Variants in C4orf50 observed in about 807,000 individuals in gnomAD.
The protein encoded by C4orf50 is chromosome 4 open reading frame 50, also known as uncharacterized protein C4orf50.
A neutral mutation model predicts 77.2 loss-of-function variants in C4orf50; 80 were observed. The ratio of observed to expected loss-of-function variants is 1.04; its 90% CI spans 0.87 to 1.25. The LOEUF is 1.25. Among genes scored for constraint, C4orf50 ranks in the 50% most tolerant of loss-of-function variants. C4orf50 has a pLI of 0.00. For synonymous variants in C4orf50, 532 were observed against 465.3 expected (o/e 1.14, Z -1.84); for missense variants, 1,257 against 1,152.9 (o/e 1.09, Z -1.31).
intron 29 of C4orf50, among the ~76,000 whole-genome samples, chr4:5,977,357 C>T (rs1490504357): frequency 2.0e-5 from 3 of 152,182 alleles, no homozygotes; most frequent in East Asian, 3.8e-4. Context: ...CCAAACTCTT[C>T]GGACCAACAT....
At chr4:5,991,513 T>A (rs1225393612) in intron 27 of C4orf50, among the ~76,000 whole-genome samples, 1 of 152,234 alleles carries the variant, frequency 6.6e-6, no homozygotes, top group Non-Finnish European at 1.5e-5. Context: ...TATTTTTATC[T>A]TCACTTATGT....
intron 28 of C4orf50, 33 bp downstream of exon 6, chr4:5,988,314 T>A: frequency 6.2e-7 from 1 of 1,601,610 alleles, no homozygotes; most frequent in South Asian, 1.1e-5. Context: ...GAGTCATGCG[T>A]GATGAGTAAG....
intron 7 of C4orf50, chr4:5,898,925 T>G (rs750216731): frequency 6.6e-6 from 1 of 152,196 alleles, no homozygotes; most frequent in Non-Finnish European, 1.5e-5. Context: ...ACATTTACAC[T>G]AAAAATGCAG....
intron 7 of C4orf50, among the ~76,000 whole-genome samples, chr4:5,925,811 C>T (rs558653415): frequency 3.9e-5 from 6 of 152,316 alleles, no homozygotes; most frequent in Non-Finnish European, 8.8e-5. Context: ...TGGGACCCAC[C>T]CTTGGCAGCG....
chr4:5,953,180 GC>G (rs1309984031), downstream of C4orf50, among the ~76,000 whole-genome samples: 1 of 152,122 alleles, frequency 6.6e-6, no homozygotes, highest in Non-Finnish European at 1.5e-5. Context: ...CATGGAGCGG[GC>G]CTGAATCCCA....
chr4:5,959,577 G>A (rs749562220), exon 34 of C4orf50: 41 of 1,613,984 alleles, frequency 2.5e-5, no homozygotes, highest in African/African-American at 2.4e-4. Flanking sequence ...CACAGTGACC[G>A]CTGCCAGGCA....
At chr4:5,945,328 G>A (rs1231717939) in intron 7 of C4orf50, among the ~76,000 whole-genome samples, 4 of 152,232 alleles carry the variant, frequency 2.6e-5, no homozygotes, top group Non-Finnish European at 2.9e-5. Flanking sequence ...ATTCCCGGGG[G>A]ACCCCACAGC....
intron 25 of C4orf50, among the ~76,000 whole-genome samples, chr4:6,004,392 G>GAT (rs1722132776): frequency 1.8e-5 from 2 of 109,050 alleles, no homozygotes; most frequent in Non-Finnish European, 3.9e-5. Flanking sequence ...TGGTGATGGT[G>GAT]GTGATGGTGA....
At chr4:5,898,206 C>T (rs1220170405) in intron 7 of C4orf50, 1 of 152,238 alleles carries the variant, frequency 6.6e-6, no homozygotes, top group Non-Finnish European at 1.5e-5. Context: ...CCTCGCTTAT[C>T]ACTCTGCCAA....
chr4:5,926,858 G>C (rs979965753), intron 7 of C4orf50, among the ~76,000 whole-genome samples: 2 of 152,112 alleles, frequency 1.3e-5, no homozygotes, highest in East Asian at 3.9e-4. Context: ...GTGGCTCTGC[G>C]GCTCATCCAT....
intron 30 of C4orf50, among the ~76,000 whole-genome samples, chr4:5,974,315 A>G (rs1720123228): frequency 6.6e-6 from 1 of 152,202 alleles, no homozygotes; most frequent in Non-Finnish European, 1.5e-5. Context: ...AATGCTCCAC[A>G]GCAAATGATG....
rs1722314459 is a variant in C4orf50, at chr4:6,007,991, C to T, written c.963+5G>A. 2.5e-6 allele frequency: 1 copy of T among 399,174 alleles called. No individual in the cohort carries two copies. Among genetic ancestry groups the T allele is most frequent in the Non-Finnish European group, 4.4e-6 (1 of 226,144 alleles). 24.7% of individuals were successfully genotyped at this position (399,174 alleles called of 1,614,324 possible). On this transcript the variant is annotated splice_donor_5th_base_variant and intron_variant, in intron 25 of 33. Coordinates refer to ENST00000531445, the Ensembl canonical transcript of C4orf50. This position sits in a 1 kb window ranked among gnomAD's most constrained non-coding sequence, Gnocchi z 4.1. ...TCATTCCTACCCTGAGTTCCCGCCA[C>T]TTACCAGGCTGCAGTGACCAATAGG...
At chr4:5,972,666 C>T (rs1719994770) in intron 31 of C4orf50, among the ~76,000 whole-genome samples, 1 of 152,246 alleles carries the variant, frequency 6.6e-6, no homozygotes, top group South Asian at 2.1e-4. Flanking sequence ...GAGAGAGACT[C>T]AGACCTGGTG....
At chr4:5,981,466 A>G (rs960600714) in intron 28 of C4orf50, among the ~76,000 whole-genome samples, 2 of 144,232 alleles carry the variant, frequency 1.4e-5, no homozygotes, top group Non-Finnish European at 3.0e-5. Flanking sequence ...GTGCAATGGC[A>G]TGACCTCGGC....
chr4:6,015,915 C>G lies in C4orf50; in HGVS notation c.287+2230G>C, dbSNP rs983857048. Among the ~76,000 whole-genome samples the G allele has an allele frequency of 6.6e-6, 1 of 152,168 alleles. No individual in the cohort carries two copies. Among genetic ancestry groups the G allele is most frequent in the South Asian group, 2.1e-4 (1 of 4,828 alleles). ...TAGAGACCAGCCGGCGAATCTGGGT[C>G]CATATCCCCATGTCACCATCCTTGA... On this transcript the variant is annotated intron_variant, in intron 23 of 33. Transcript: ENST00000531445. The surrounding 1 kb of genome is among the most constrained non-coding windows in gnomAD (Gnocchi z 4.4).
rs1170304519 is a variant in C4orf50, at chr4:6,017,468, G to C, written c.287+677C>G. Among the ~76,000 whole-genome samples the C allele has an allele frequency of 6.6e-6, 1 of 152,210 alleles. No homozygotes were observed. The highest frequency in any genetic ancestry group is 1.5e-5 in the Non-Finnish European group (1 of 68,034). ...GACTCTTGACTAACCCTGAGTCCAC[G>C]AATGCCTCCAAGATGTGGAGTTGAT... On this transcript the variant is annotated intron_variant, in intron 23 of 33. Transcript: ENST00000531445. The surrounding 1 kb of genome is among the most constrained non-coding windows in gnomAD (Gnocchi z 4.7).
At chr4:5,897,971 T>G (rs1248121215) in exon 8 of C4orf50, 1 of 152,258 alleles carries the variant, frequency 6.6e-6, no homozygotes. Context: ...GGACTTGGCC[T>G]GCCAACATTC....
intron 23 of C4orf50, among the ~76,000 whole-genome samples, chr4:6,012,787 G>A (rs777841872): frequency 6.6e-6 from 1 of 152,180 alleles, no homozygotes; most frequent in Non-Finnish European, 1.5e-5. Context: ...CCAGACCCAC[G>A]GGGAGAGGAG....
At position 5,967,470 on chromosome 4, in the gene C4orf50, A is replaced by G; in HGVS notation, c.4105-8T>C. 2 of 1,613,628 alleles carry G rather than the reference A, an allele frequency of 1.2e-6. No homozygotes were observed. Among genetic ancestry groups the G allele is most frequent in the Non-Finnish European group, 1.7e-6 (2 of 1,179,568 alleles). ...GTCCAGGTGGTGGCTTGTCTGCAAGAAAAGACATCTTGGCGGTTATTCTGC... is the reference window on the plus strand; with the variant it reads ...GTCCAGGTGGTGGCTTGTCTGCAAGGAAAGACATCTTGGCGGTTATTCTGC... On this transcript the variant is annotated splice_polypyrimidine_tract_variant and splice_region_variant and intron_variant, in intron 31 of 33. Coordinates refer to ENST00000531445, the Ensembl canonical transcript of C4orf50.
Sources: gnomAD v4.1 joint callset for allele counts (sites outside exome capture counted in the v4.1 genomes callset) on GRCh38, gnomAD v4.1.1 for gene constraint, Gnocchi (gnomAD v3.1) non-coding constraint, MANE v1.5 for transcripts, NCBI Gene and HGNC (gene_info 2026-07-23, HGNC 2026-07-21) for gene names.